Variants in RALGPS2 observed in about 807,000 individuals in gnomAD.
RALGPS2 encodes the protein Ral GEF with PH domain and SH3 binding motif 2.
Under a neutral mutation model 86.8 loss-of-function variants are expected in RALGPS2, and 43 were observed. The ratio of observed to expected loss-of-function variants is 0.50; its 90% confidence interval spans 0.39 to 0.64. RALGPS2 has a LOEUF of 0.64. Ranked by LOEUF, RALGPS2 falls within the 30% of genes least tolerant of loss-of-function variation. The pLI is 0.00. For missense variants in RALGPS2, 536 were observed against 694.6 expected, an observed-to-expected ratio of 0.77 and a Z score of 2.57; for synonymous variants, 243 against 231.3, an observed-to-expected ratio of 1.05 and a Z score of -0.46.
chr1:178,867,167 C>T (rs894333896), intron 8 of RALGPS2, among the ~76,000 whole-genome samples: 1 of 152,176 alleles, frequency 6.6e-6, no homozygotes, highest in Middle Eastern at 3.4e-3. Flanking sequence ...AACACAATAA[C>T]AGTAATTAAT....
At chr1:178,889,472 A>G (rs1163296494) in intron 13 of RALGPS2, among the ~76,000 whole-genome samples, 170 bp from the exon 14 acceptor site, 2 of 152,070 alleles carry the variant, frequency 1.3e-5, no homozygotes, top group East Asian at 1.9e-4. Flanking sequence ...ATATTGCAAA[A>G]TAAACCTAAC....
chr1:178,816,498 G>T (rs756042559), intron 6 of RALGPS2, among the ~76,000 whole-genome samples: 1 of 151,898 alleles, frequency 6.6e-6, no homozygotes, highest in South Asian at 2.1e-4. Context: ...TCAGAAATAA[G>T]TATTTTTTCC....
chr1:178,803,836 C>T, intron 4 of RALGPS2, among the ~76,000 whole-genome samples: 1 of 152,144 alleles, frequency 6.6e-6, no homozygotes, highest in East Asian at 1.9e-4. Flanking sequence ...TATTCCCTAT[C>T]TCAGTTGCTC....
At chr1:178,742,034 G>A (rs1261506676) in intron 1 of RALGPS2, among the ~76,000 whole-genome samples, 1 of 151,764 alleles carries the variant, frequency 6.6e-6, no homozygotes, top group Non-Finnish European at 1.5e-5. Flanking sequence ...TACTCAGGAG[G>A]CTGAGGCAGG....
chr1:178,861,488 CAT>C (rs1352172210), intron 8 of RALGPS2, among the ~76,000 whole-genome samples: 1 of 150,064 alleles, frequency 6.7e-6, no homozygotes, highest in Admixed American at 6.7e-5. Context: ...TATAATAAAA[CAT>C]AGAATTGGTA....
rs1647263495 is a variant in RALGPS2 at position 178,920,419 on chromosome 1, A to AT, written c.*4060_*4061insT. ...ATTTTAGGGCATCAAGTATGACAAT[A>AT]ATCATGTGCCCTCTTGCTCCTCTTA... On this transcript the variant is annotated 3_prime_UTR_variant, in exon 20 of 20. Transcript: ENST00000367635. 1.3e-5 allele frequency: 2 copies of AT among 151,988 alleles called. No homozygotes were observed. Among genetic ancestry groups the AT allele is most frequent in the African/African-American group, 4.8e-5 (2 of 41,426 alleles). The allele number at this position is 151,988 out of a possible 1,614,324, so 9.4% of individuals were successfully genotyped here.
chr1:178,889,798 C>T (rs1408511920), intron 14 of RALGPS2, 102 bp downstream of exon 14: 4 of 756,448 alleles, frequency 5.3e-6, no homozygotes, highest in East Asian at 2.9e-5. Flanking sequence ...TATCCCTAAG[C>T]GATTAAGTTT....
At chr1:178,912,702 C>T (rs1660671641) in intron 19 of RALGPS2, among the ~76,000 whole-genome samples, 1 of 152,044 alleles carries the variant, frequency 6.6e-6, no homozygotes. Flanking sequence ...GTCTGAATTT[C>T]TTGAGTTTGC....
chr1:178,761,346 G>A (rs1012047806), intron 1 of RALGPS2, among the ~76,000 whole-genome samples: 16 of 151,062 alleles, frequency 1.1e-4, no homozygotes, highest in Non-Finnish European at 1.6e-4. Flanking sequence ...GGAGAATGGC[G>A]TGAACCCAGG....
Position 178,914,007 on chromosome 1 carries a change from T to C in RALGPS2, c.1723-2323T>C, listed in dbSNP as rs959426501. On this transcript the variant is annotated intron_variant, in intron 19 of 19. Coordinates refer to ENST00000367635, the MANE Select transcript of RALGPS2 (RefSeq NM_152663.5). ...TGGTGACAGTCGCCCGCAAAAGCATTCCAACAGAATAGTGGAAGCTACACT... is the reference window on the plus strand; with the variant it reads ...TGGTGACAGTCGCCCGCAAAAGCATCCCAACAGAATAGTGGAAGCTACACT... 9.2e-5 allele frequency among the ~76,000 whole-genome samples: 14 copies of C among 152,184 alleles called. No homozygotes were observed. In the East Asian group the frequency reaches 2.1e-3, roughly 23 times the overall value.
rs370106815 is a variant in RALGPS2 at position 178,886,051 on chromosome 1, G to A, written c.1123G>A (p.Val375Ile). The change falls in exon 13 of 20, where the codon GTC (valine) becomes ATC (isoleucine). Residue 375 changes from valine (V) to isoleucine (I), a missense_variant. By Grantham distance (29) the Val-to-Ile change is conservative. Around this residue, in one of 3 missense-constraint regions of RALGPS2, gnomAD observed 309 missense variants for 363.0 expected, o/e 0.85. Coordinates refer to ENST00000367635, the MANE Select transcript of RALGPS2 (RefSeq NM_152663.5). ...AGPRHLLDDS[V>I]MEPHAPSRGQ... is the part of the protein sequence containing the mutation. Reference sequence around the variant, plus strand: ...ACCAAGACATCTGTTAGATGATAGCGTCATGGAGCCCCATGCGCCATCTCG... The same window carrying A: ...ACCAAGACATCTGTTAGATGATAGCATCATGGAGCCCCATGCGCCATCTCG... The A allele has an allele frequency of 4.3e-5, 69 of 1,613,408 alleles. No individual in the cohort carries two copies. Among genetic ancestry groups the A allele is most frequent in the Non-Finnish European group, 5.4e-5 (64 of 1,179,780 alleles).
intron 8 of RALGPS2, among the ~76,000 whole-genome samples, chr1:178,835,335 C>T (rs1041366877): frequency 1.3e-5 from 2 of 151,162 alleles, no homozygotes; most frequent in Non-Finnish European, 2.9e-5. Flanking sequence ...ATGCATAGGA[C>T]TAGAATCATG....
intron 8 of RALGPS2, among the ~76,000 whole-genome samples, chr1:178,868,063 A>G (rs556505084): frequency 7.9e-5 from 12 of 152,132 alleles, no homozygotes; most frequent in East Asian, 1.9e-4. Context: ...CTGTATTTCT[A>G]TCGAGGCCTT....
Position 178,916,368 on chromosome 1 carries a change from GA to G in RALGPS2, c.*16del. 1 of 1,596,834 alleles carries G rather than the reference GA, an allele frequency of 6.3e-7. No homozygotes were observed. Among genetic ancestry groups the G allele is most frequent in the Admixed American group, 1.7e-5 (1 of 59,464 alleles). The stretch of plus-strand genomic sequence containing the variant: ...TGATGACTTTTGAGTAGAAGCCTGA[GA>G]AAAAAAGAGAGGTGAACTGTTGCTT... On this transcript the variant is annotated 3_prime_UTR_variant, in exon 20 of 20. Transcript: ENST00000367635.
At chr1:178,908,273 T>C (rs1387839079) in intron 19 of RALGPS2, among the ~76,000 whole-genome samples, 1 of 152,252 alleles carries the variant, frequency 6.6e-6, no homozygotes, top group African/African-American at 2.4e-5. Flanking sequence ...CACTGTTTTT[T>C]AAAAATCACT....
At chr1:178,815,829 T>C (rs182012121) in intron 6 of RALGPS2, among the ~76,000 whole-genome samples, 18 of 152,340 alleles carry the variant, frequency 1.2e-4, no homozygotes, top group Non-Finnish European at 2.4e-4. Context: ...TGGGAATTTA[T>C]GTAAGTGGGA....
At chr1:178,868,739 A>C (rs1393540433) in intron 8 of RALGPS2, among the ~76,000 whole-genome samples, 1 of 152,024 alleles carries the variant, frequency 6.6e-6, no homozygotes, top group Non-Finnish European at 1.5e-5. Flanking sequence ...AAATCATAAG[A>C]TAAATCACTG....
intron 8 of RALGPS2, among the ~76,000 whole-genome samples, chr1:178,872,881 T>G (rs1658831232): frequency 6.6e-6 from 1 of 152,092 alleles, no homozygotes. Context: ...ATGGAGAGAT[T>G]TGAAAGTCAC....
chr1:178,775,630 T>C (rs78823424), intron 1 of RALGPS2, among the ~76,000 whole-genome samples: 4,593 of 152,152 alleles, frequency 0.03, 224 homozygotes, highest in African/African-American at 0.1. Context: ...GGAAAATCTG[T>C]GTTGTGAAAA....
Sources: gnomAD v4.1 joint callset for allele counts (sites outside exome capture counted in the v4.1 genomes callset) on GRCh38, gnomAD v4.1.1 for gene constraint, gnomAD v4.1.1 regional missense constraint, MANE v1.5 for transcripts, NCBI Gene and HGNC (gene_info 2026-07-23, HGNC 2026-07-21) for gene names.